LRRK2: variants seen among roughly 807,000 people sequenced by gnomAD.
LRRK2 encodes leucine rich repeat kinase 2, also known as leucine-rich repeat serine/threonine-protein kinase 2.
Under a neutral mutation model 302.6 loss-of-function variants are expected in LRRK2, and 203 were observed. That is an observed-to-expected ratio of 0.67 (90% CI 0.60 to 0.75). LRRK2 has a LOEUF of 0.75. Ranked by LOEUF, LRRK2 falls within the 30% of genes least tolerant of loss-of-function variation. The pLI is 0.00. For synonymous variants in LRRK2, 1,066 were observed against 1,031.9 expected (o/e 1.03, Z -0.63); for missense variants, 2,830 against 2,951.0 (o/e 0.96, Z 0.95).
At chr12:40,274,036 C>A (rs1273021598) in intron 14 of LRRK2, among the ~76,000 whole-genome samples, 2 of 152,112 alleles carry the variant, frequency 1.3e-5, no homozygotes, top group African/African-American at 4.8e-5. Context: ...GTTACTTGAG[C>A]TTTTATTTCT....
In LRRK2 at chr12:40,321,015, A is replaced by G; in HGVS notation, c.5016-19A>G. 6.2e-7 allele frequency: 1 copy of G among 1,612,070 alleles called. No homozygotes were observed. The highest frequency in any genetic ancestry group is 1.3e-5 in the African/African-American group (1 of 74,942). On this transcript the variant is annotated intron_variant, in intron 34 of 50. Transcript: ENST00000298910. ...GTGTTTTGTGAGGCTGTATAACCAT[A>G]GTGTCCTTTTGCCTTTAGTTTGTCT...
chr12:40,354,133 A>G, intron 44 of LRRK2, among the ~76,000 whole-genome samples, 166 bp from the exon 45 acceptor site: 1 of 152,268 alleles, frequency 6.6e-6, no homozygotes, highest in Non-Finnish European at 1.5e-5. Context: ...TTGTCTGCCA[A>G]TTAACTCATT....
intron 18 of LRRK2, among the ~76,000 whole-genome samples, chr12:40,280,363 C>T (rs1346985548): frequency 6.6e-6 from 1 of 151,992 alleles, no homozygotes; most frequent in African/African-American, 2.4e-5. Flanking sequence ...GTGGCTCATG[C>T]CTGTAATCCC....
At chr12:40,358,503 T>G (rs1400695370) in intron 46 of LRRK2, among the ~76,000 whole-genome samples, 1 of 152,222 alleles carries the variant, frequency 6.6e-6, no homozygotes. Flanking sequence ...CTCCCATGTA[T>G]GCTTTTGGTG....
At chr12:40,308,061 C>T (rs187987917) in intron 28 of LRRK2, among the ~76,000 whole-genome samples, 9 of 151,878 alleles carry the variant, frequency 5.9e-5, no homozygotes, top group Admixed American at 4.6e-4. Flanking sequence ...ATTACAGGTG[C>T]GAGCCACCGC....
intron 18 of LRRK2, among the ~76,000 whole-genome samples, chr12:40,280,784 C>A (rs1048130423): frequency 6.6e-6 from 1 of 151,272 alleles, no homozygotes; most frequent in South Asian, 2.1e-4. Context: ...CAAAACCAAC[C>A]GGTCGGGTGC....
chr12:40,283,875 G>A lies in LRRK2; in HGVS notation c.2242G>A (p.Val748Ile), dbSNP rs1174899964. 2 of 1,610,906 alleles carry A rather than the reference G, an allele frequency of 1.2e-6. No individual in the cohort carries two copies. Among genetic ancestry groups the A allele is most frequent in the South Asian group, 2.2e-5 (2 of 90,468 alleles). The change falls in exon 19 of 51, where the codon GTA becomes ATA. Residue 748 changes from valine to isoleucine, a missense_variant and splice_region_variant. This residue lies in a region of LRRK2 where 2,121 missense variants were observed against 2,148.0 expected (regional missense o/e 0.99). Coordinates refer to ENST00000298910, the MANE Select transcript of LRRK2 (RefSeq NM_198578.4). ...AKEGSSLICQ[V>I]CEKESSPKLV... is the part of the protein sequence containing the mutation. ...ATACTTAATTTTTTTTCTTTAATAG[G>A]TATGTGAGAAAGAGAGCAGTCCCAA...
At chr12:40,318,630 A>G (rs955252846) in intron 33 of LRRK2, among the ~76,000 whole-genome samples, 10 of 152,198 alleles carry the variant, frequency 6.6e-5, no homozygotes, top group African/African-American at 2.4e-4. Context: ...ATGAGTTTAT[A>G]CATTCATAGG....
chr12:40,302,846 T>C lies in LRRK2; in HGVS notation c.3554T>C (p.Phe1185Ser), dbSNP rs1358839130. 9 of 1,610,834 alleles carry C rather than the reference T, an allele frequency of 5.6e-6. No individual in the cohort carries two copies. Among genetic ancestry groups the C allele is most frequent in the Non-Finnish European group, 7.6e-6 (9 of 1,177,548 alleles). Residue 1185 changes from phenylalanine (F) to serine (S), a missense_variant, in exon 26 of 51, where the codon TTT becomes TCT. Coordinates refer to ENST00000298910, the MANE Select transcript of LRRK2 (RefSeq NM_198578.4). Reference protein sequence around the residue: ...MTILKLSQNKFSCIPEAILNL... With the variant: ...MTILKLSQNKSSCIPEAILNL... The stretch of plus-strand genomic sequence containing the variant: ...ATCCTAAAATTATCTCAGAACAAAT[T>C]TTCCTGTATTCCAGAAGCAATTTTA...
At chr12:40,327,703 G>A (rs973243374) in intron 38 of LRRK2, among the ~76,000 whole-genome samples, 1 of 152,054 alleles carries the variant, frequency 6.6e-6, no homozygotes, top group African/African-American at 2.4e-5. Context: ...TTGGAAGTAA[G>A]GAACTCAGAA....
At chr12:40,253,490 A>G (rs1207741469) in intron 11 of LRRK2, among the ~76,000 whole-genome samples, 2 of 152,122 alleles carry the variant, frequency 1.3e-5, no homozygotes, top group Admixed American at 1.3e-4. Context: ...GACTCAGGTG[A>G]TGCTCCCACC....
At chr12:40,329,301 GT>G (rs1170560075) in intron 39 of LRRK2, among the ~76,000 whole-genome samples, 1 of 151,978 alleles carries the variant, frequency 6.6e-6, no homozygotes, top group Non-Finnish European at 1.5e-5. Flanking sequence ...CAAAACTTTT[GT>G]TTTTTTAGTA....
chr12:40,328,499 T>C (rs1565755671), intron 39 of LRRK2, 39 bp downstream of exon 39: 3 of 1,426,514 alleles, frequency 2.1e-6, no homozygotes, highest in Non-Finnish European at 2.9e-6. Context: ...AAATTGCACA[T>C]TATTAATCTA....
chr12:40,325,849 G>GA (rs1452085012), intron 38 of LRRK2, among the ~76,000 whole-genome samples: 2 of 152,132 alleles, frequency 1.3e-5, no homozygotes, highest in Non-Finnish European at 2.9e-5. Flanking sequence ...TAATAGATAT[G>GA]AATAGACTTG....
chr12:40,364,158 A>G (rs1946802433), intron 48 of LRRK2, among the ~76,000 whole-genome samples: 1 of 151,936 alleles, frequency 6.6e-6, no homozygotes, highest in South Asian at 2.1e-4. Context: ...ATTTTACCAT[A>G]TAGATCTATG....
At chr12:40,332,608 T>C (rs988804381) in intron 39 of LRRK2, among the ~76,000 whole-genome samples, 1 of 152,164 alleles carries the variant, frequency 6.6e-6, no homozygotes, top group African/African-American at 2.4e-5. Context: ...CTCTGAGTAA[T>C]AGAAGATTTC....
chr12:40,335,995 G>C (rs1344863054), intron 40 of LRRK2, among the ~76,000 whole-genome samples: 1 of 152,150 alleles, frequency 6.6e-6, no homozygotes, highest in Non-Finnish European at 1.5e-5. Context: ...ATCTGAGCCA[G>C]TATCATCTCT....
chr12:40,332,846 A>C (rs1032351004), intron 39 of LRRK2, among the ~76,000 whole-genome samples: 2 of 151,996 alleles, frequency 1.3e-5, no homozygotes, highest in Non-Finnish European at 2.9e-5. Context: ...TATGGTGGAA[A>C]TTAGTACATT....
intron 20 of LRRK2, among the ~76,000 whole-genome samples, chr12:40,287,993 T>TA (rs556524860): frequency 1.4e-3 from 207 of 152,080 alleles, no homozygotes; most frequent in African/African-American, 4.8e-3. Flanking sequence ...CTTAAAACAA[T>TA]ATTAATATTT....
Sources: allele counts gnomAD v4.1 joint callset (sites outside exome capture counted in the v4.1 genomes callset), GRCh38; gene constraint gnomAD v4.1.1; regional missense constraint gnomAD v4.1.1; transcripts MANE v1.5; gene names NCBI Gene and HGNC (gene_info 2026-07-23, HGNC 2026-07-21).